The following BCAT1 variants were observed in gnomAD, a reference collection of about 807,000 sequenced individuals.
BCAT1 encodes branched-chain-amino-acid aminotransferase, cytosolic.
Under a neutral mutation model 52.4 loss-of-function variants are expected in BCAT1, and 48 were observed. The observed-to-expected ratio is 0.92, with a 90% CI of 0.73 to 1.16. The LOEUF (loss-of-function observed/expected upper bound fraction) is 1.16, where lower values mean the gene tolerates loss of function less well. Among genes scored for constraint, BCAT1 ranks in the 50% most tolerant of loss-of-function variants. BCAT1 has a pLI of 0.00. For synonymous variants in BCAT1, 167 were observed against 161.3 expected (o/e 1.04, Z -0.27); for missense variants, 451 against 457.1 (o/e 0.99, Z 0.12).
Position 24,901,830 on chromosome 12 carries a change from A to G in BCAT1, c.62T>C (p.Val21Ala), listed in dbSNP as rs1591858418. Residue 21 changes from valine to alanine, a missense_variant, in exon 2 of 11, where the codon GTG becomes GCG. Coordinates refer to ENST00000261192, the MANE Select transcript of BCAT1 (RefSeq NM_005504.7). ...GCAACTTACCTTAAAAGTCCCCACC[A>G]CCTCTTTTGATCCTCCTTCTCCGGT... ...ECTGEGGSKE[V>A]VGTFKAKDLI... The G allele has an allele frequency of 6.2e-7, 1 of 1,613,700 alleles. No homozygotes were observed. The highest frequency in any genetic ancestry group is 1.7e-5 in the Admixed American group (1 of 59,982).
chr12:24,934,432 C>T (rs185397095), intron 1 of BCAT1, among the ~76,000 whole-genome samples: 1 of 152,302 alleles, frequency 6.6e-6, no homozygotes, highest in African/African-American at 2.4e-5. Flanking sequence ...ACCCTCACAG[C>T]CTCAAGACCT....
chr12:24,934,988 C>T (rs1045406102), intron 1 of BCAT1, among the ~76,000 whole-genome samples: 1 of 152,192 alleles, frequency 6.6e-6, no homozygotes, highest in African/African-American at 2.4e-5. Flanking sequence ...CCATAACATT[C>T]TTCTTCTTCT....
intron 5 of BCAT1, among the ~76,000 whole-genome samples, chr12:24,866,744 G>A (rs1010391129): frequency 5.3e-5 from 8 of 152,136 alleles, no homozygotes; most frequent in Non-Finnish European, 1.2e-4. Flanking sequence ...GGGAGGTGGA[G>A]AACTTTTGTG....
chr12:24,837,036 GAAAAAAGA>G (rs1193955585), intron 7 of BCAT1, among the ~76,000 whole-genome samples: 5 of 86,552 alleles, frequency 5.8e-5, no homozygotes, highest in Non-Finnish European at 1.2e-4. Flanking sequence ...AAGAAAGAAA[GAAAAAAGA>G]AAAGAAAAGA....
chr12:24,855,326 GA>G (rs144694993), intron 5 of BCAT1, among the ~76,000 whole-genome samples: 29 of 142,908 alleles, frequency 2.0e-4, no homozygotes, highest in Non-Finnish European at 2.6e-4. Flanking sequence ...AAAAAAGAAA[GA>G]AAAAAAAAAG....
intron 6 of BCAT1, among the ~76,000 whole-genome samples, 181 bp from the exon 7 acceptor site, chr12:24,842,405 C>G (rs1297580970): frequency 1.3e-5 from 2 of 152,160 alleles, no homozygotes; most frequent in African/African-American, 4.8e-5. Flanking sequence ...ATTAGAAAAT[C>G]TAAGTGATTT....
At chr12:24,868,950 A>G (rs1942103027) in intron 5 of BCAT1, among the ~76,000 whole-genome samples, 1 of 152,238 alleles carries the variant, frequency 6.6e-6, no homozygotes, top group African/African-American at 2.4e-5. Flanking sequence ...ATATGTATCA[A>G]AGGATTTATA....
In BCAT1 at chr12:24,849,830, A is replaced by C. The variant is rs780321151; in HGVS notation, c.630T>G (p.Tyr210Ter). Residue 210 changes from tyrosine to a stop codon, truncating the protein, a stop_gained, in exon 6 of 11, where the codon TAT becomes TAG. Transcript: ENST00000261192. LOFTEE classifies it high-confidence loss of function. ...NPVSLWANPK[Y>*]VRAWKGGTGD... Reference sequence around the variant, plus strand: ...CAGTTCCACCTTTCCAGGCTCTTACATACTTGGGATTGGCCCACAGGGACA... The same window carrying C: ...CAGTTCCACCTTTCCAGGCTCTTACCTACTTGGGATTGGCCCACAGGGACA... 3.1e-6 allele frequency: 5 copies of C among 1,613,594 alleles called. No individual in the cohort carries two copies. The highest frequency in any genetic ancestry group is 4.2e-6 in the Non-Finnish European group (5 of 1,179,714).
intron 1 of BCAT1, among the ~76,000 whole-genome samples, chr12:24,924,981 G>A (rs902948510): frequency 5.9e-5 from 9 of 152,282 alleles, no homozygotes; most frequent in African/African-American, 1.9e-4. Context: ...TTCAAAAACA[G>A]TTGTTTTTTG....
chr12:24,934,072 T>C (rs913721464), intron 1 of BCAT1, among the ~76,000 whole-genome samples: 1 of 152,212 alleles, frequency 6.6e-6, no homozygotes, highest in Non-Finnish European at 1.5e-5. Flanking sequence ...CTGCCGGCAT[T>C]CACCCGTGCA....
At chr12:24,926,051 A>G (rs999993729) in intron 1 of BCAT1, among the ~76,000 whole-genome samples, 6 of 150,664 alleles carry the variant, frequency 4.0e-5, no homozygotes, top group African/African-American at 1.2e-4. Flanking sequence ...CTGGCTGCCC[A>G]TCGTCTGGGA....
chr12:24,850,075 T>C, intron 5 of BCAT1, 126 bp from the exon 6 acceptor site: 1 of 927,948 alleles, frequency 1.1e-6, no homozygotes, highest in Admixed American at 3.3e-5. Context: ...TACCATACTT[T>C]TAAAATTGAG....
chr12:24,922,728 G>T (rs894517089), intron 1 of BCAT1, among the ~76,000 whole-genome samples: 1 of 151,934 alleles, frequency 6.6e-6, no homozygotes, highest in African/African-American at 2.4e-5. Flanking sequence ...AAAATTAGCC[G>T]GTGTGGCAGC....
chr12:24,858,596 TCAGACCTTA>T (rs1473094295), intron 5 of BCAT1, among the ~76,000 whole-genome samples: 1 of 152,172 alleles, frequency 6.6e-6, no homozygotes, highest in Non-Finnish European at 1.5e-5. Flanking sequence ...CTGGAAAGAC[TCAGACCTTA>T]TCTGCACTTC....
intron 1 of BCAT1, among the ~76,000 whole-genome samples, chr12:24,931,348 A>G (rs900752746): frequency 6.6e-6 from 1 of 152,218 alleles, no homozygotes; most frequent in African/African-American, 2.4e-5. Flanking sequence ...AAATTAAATT[A>G]GAAGATCAAA....
Position 24,813,484 on chromosome 12 carries a change from T to G in BCAT1, c.*4524A>C, listed in dbSNP as rs187640838. On this transcript the variant is annotated 3_prime_UTR_variant, in exon 11 of 11. Coordinates refer to ENST00000261192, the MANE Select transcript of BCAT1 (RefSeq NM_005504.7). Reference sequence around the variant, plus strand: ...AAAATTCACTCTAGGATCATTTTCTTTGTTTATTTCCATCTAATCTGGCTT... The same window carrying G: ...AAAATTCACTCTAGGATCATTTTCTGTGTTTATTTCCATCTAATCTGGCTT... The G allele has an allele frequency of 2.6e-5, 4 of 152,060 alleles. No individual in the cohort carries two copies. Among genetic ancestry groups the G allele is most frequent in the African/African-American group, 9.7e-5 (4 of 41,434 alleles). The allele number at this position is 152,060 out of a possible 1,614,324, so 9.4% of individuals were successfully genotyped here. A position where few individuals can be genotyped will look rare whatever the true frequency, so the allele number is the denominator to read the frequency against.
chr12:24,883,444 C>A (rs1417625577), intron 3 of BCAT1, among the ~76,000 whole-genome samples: 1 of 151,892 alleles, frequency 6.6e-6, no homozygotes, highest in East Asian at 1.9e-4. Flanking sequence ...CTTCCCAACA[C>A]TAAAAATAGG....
intron 7 of BCAT1, among the ~76,000 whole-genome samples, chr12:24,836,900 AAGAAAGAG>A (rs1214095324): frequency 1.1e-4 from 5 of 45,590 alleles, no homozygotes; most frequent in African/African-American, 2.5e-4. Flanking sequence ...AAAGAAAGAA[AAGAAAGAG>A]AGAAAGAAAG....
chr12:24,871,101 C>G (rs112937001), intron 5 of BCAT1, among the ~76,000 whole-genome samples: 2 of 151,736 alleles, frequency 1.3e-5, no homozygotes, highest in Admixed American at 6.6e-5. Context: ...AGTGGGGTCA[C>G]TTCTGATGCC....
Sources: gnomAD v4.1 joint callset for allele counts (sites outside exome capture counted in the v4.1 genomes callset) on GRCh38, gnomAD v4.1.1 for gene constraint, MANE v1.5 for transcripts, NCBI Gene and HGNC (gene_info 2026-07-23, HGNC 2026-07-21) for gene names.